Variants in FMN1 observed in about 807,000 individuals in gnomAD.
FMN1 encodes the protein formin 1.
In FMN1, 110 loss-of-function variants were observed where a neutral mutation model predicts 132.4. The observed-to-expected ratio is 0.83, with a 90% CI of 0.71 to 0.97. The LOEUF (loss-of-function observed/expected upper bound fraction) is 0.97, where lower values mean the gene tolerates loss of function less well. Ranked by LOEUF, FMN1 falls within the 50% of genes least tolerant of loss-of-function variation. FMN1 has a pLI of 0.00. For missense variants in FMN1, 1,792 were observed against 1,705.3 expected (o/e 1.05, Z -0.90); for synonymous variants, 722 against 651.7 (o/e 1.11, Z -1.64).
intron 16 of FMN1, among the ~76,000 whole-genome samples, chr15:32,870,975 G>A (rs1225841388): frequency 6.6e-6 from 1 of 152,090 alleles, no homozygotes; most frequent in Non-Finnish European, 1.5e-5. Context: ...GGAGGTAGGG[G>A]ATTTCAAAAA....
intron 2 of FMN1, among the ~76,000 whole-genome samples, chr15:33,184,693 G>A (rs867064105): frequency 1.3e-5 from 2 of 152,082 alleles, no homozygotes; most frequent in Middle Eastern, 3.4e-3. Flanking sequence ...TAGTAGAGAT[G>A]GGTTTACGCC....
chr15:33,057,425 AAGTC>A (rs1305967092), intron 6 of FMN1, among the ~76,000 whole-genome samples: 5 of 152,170 alleles, frequency 3.3e-5, no homozygotes, highest in Non-Finnish European at 7.3e-5. Context: ...TAAAAAAAGA[AAGTC>A]AGTGGTGCTG....
intron 5 of FMN1, among the ~76,000 whole-genome samples, chr15:33,078,332 A>G (rs751690221): frequency 1.3e-5 from 2 of 152,124 alleles, no homozygotes; most frequent in African/African-American, 4.8e-5. Context: ...GGGAGGAACC[A>G]TTTTTCCATG....
chr15:32,996,885 G>C (rs1183053640), intron 7 of FMN1, among the ~76,000 whole-genome samples: 3 of 152,144 alleles, frequency 2.0e-5, no homozygotes, highest in Non-Finnish European at 4.4e-5. Flanking sequence ...CCATAGGCCT[G>C]TTAAGGAATC....
Position 32,978,728 on chromosome 15 carries a change from T to G in FMN1, c.2224-9251A>C, listed in dbSNP as rs138054832. Among the ~76,000 whole-genome samples the G allele has an allele frequency of 1.7e-4, 26 of 152,304 alleles. No homozygotes were observed. The East Asian group carries it at 4.4e-3, about 26-fold the overall frequency. Reference sequence around the variant, plus strand: ...CTCCAATTAATTAATCATTTTAATATTTCCCTCTAGATGCCTCACACACTT... The same window carrying G: ...CTCCAATTAATTAATCATTTTAATAGTTCCCTCTAGATGCCTCACACACTT... On this transcript the variant is annotated intron_variant, in intron 7 of 20. Coordinates refer to ENST00000616417, the MANE Select transcript of FMN1 (RefSeq NM_001277313.2).
intron 17 of FMN1, among the ~76,000 whole-genome samples, chr15:32,821,717 T>C (rs1199613092): frequency 6.6e-6 from 1 of 152,112 alleles, no homozygotes; most frequent in Non-Finnish European, 1.5e-5. Flanking sequence ...CCCAAAGTGC[T>C]GGGATTACAG....
chr15:33,067,155 G>A, intron 5 of FMN1: 1 of 1,613,948 alleles, frequency 6.2e-7, no homozygotes, highest in African/African-American at 1.3e-5. Context: ...GTTACTGCAG[G>A]TAGGTCTTGG....
intron 16 of FMN1, among the ~76,000 whole-genome samples, chr15:32,871,034 C>T (rs527782649): frequency 6.6e-6 from 1 of 152,248 alleles, no homozygotes; most frequent in South Asian, 2.1e-4. Flanking sequence ...GCACATACTG[C>T]AAGCTCTGGC....
intron 10 of FMN1, among the ~76,000 whole-genome samples, chr15:32,917,152 G>C (rs1049522121): frequency 6.6e-6 from 1 of 152,136 alleles, no homozygotes; most frequent in Non-Finnish European, 1.5e-5. Context: ...TGGAAAGAAG[G>C]GGAGCCAGTA....
intron 4 of FMN1, among the ~76,000 whole-genome samples, chr15:33,128,774 A>G (rs914461824): frequency 5.3e-5 from 8 of 152,222 alleles, no homozygotes; most frequent in Non-Finnish European, 7.3e-5. Flanking sequence ...AGTGGTATGG[A>G]CCCAAACGGT....
chr15:32,973,909 T>A (rs2031994311), intron 7 of FMN1, among the ~76,000 whole-genome samples: 1 of 152,174 alleles, frequency 6.6e-6, no homozygotes, highest in Non-Finnish European at 1.5e-5. Context: ...TCCCCCTCCT[T>A]TATCCAGATA....
Position 32,901,765 on chromosome 15 carries a change from G to A in FMN1, c.3507+146C>T, listed in dbSNP as rs76725389. The A allele has an allele frequency of 5.7e-4, 321 of 558,916 alleles. 1 individual carries two copies. The highest frequency in any genetic ancestry group is 5.7e-3 in the African/African-American group (292 of 51,624). 34.6% of individuals were successfully genotyped at this position (558,916 alleles called of 1,614,324 possible). On this transcript the variant is annotated intron_variant, in intron 13 of 20. Transcript: ENST00000616417. ...CCCTCTCTCTCATACACACACACACGGGCAAGATAATCATCAAATTTACAC... is the reference window on the plus strand; with the variant it reads ...CCCTCTCTCTCATACACACACACACAGGCAAGATAATCATCAAATTTACAC...
At chr15:33,193,604 C>T (rs1566975080) in intron 2 of FMN1, among the ~76,000 whole-genome samples, 1 of 152,162 alleles carries the variant, frequency 6.6e-6, no homozygotes, top group Non-Finnish European at 1.5e-5. Flanking sequence ...ATTCACCTCT[C>T]AGTGACTGCC....
At chr15:32,864,601 C>G (rs1401454759) in intron 16 of FMN1, among the ~76,000 whole-genome samples, 1 of 152,126 alleles carries the variant, frequency 6.6e-6, no homozygotes, top group Non-Finnish European at 1.5e-5. Context: ...TTAAAGTGGT[C>G]AAAAAACTCC....
At chr15:32,856,329 G>A (rs964271176) in intron 17 of FMN1, among the ~76,000 whole-genome samples, 3 of 152,128 alleles carry the variant, frequency 2.0e-5, no homozygotes, top group South Asian at 2.1e-4. Context: ...TTAAATTTGA[G>A]AAATTAGAAT....
At position 32,987,071 on chromosome 15, in the gene FMN1, G is replaced by C. The variant is rs137864328; in HGVS notation, c.2224-17594C>G. Among the ~76,000 whole-genome samples, 195 of 151,980 alleles carry C rather than the reference G, an allele frequency of 1.3e-3. 3 individuals are homozygous for C. In the East Asian group the frequency reaches 0.027, roughly 21 times the overall value. On this transcript the variant is annotated intron_variant, in intron 7 of 20. Coordinates refer to ENST00000616417, the MANE Select transcript of FMN1 (RefSeq NM_001277313.2). ...TAGATGGCTACATTTTTTTCTCCCA[G>C]GCAATTTTTCTATTTTAAATGTTAT...
At chr15:33,165,822 G>A (rs1965084411) in intron 3 of FMN1, among the ~76,000 whole-genome samples, 1 of 152,140 alleles carries the variant, frequency 6.6e-6, no homozygotes, top group African/African-American at 2.4e-5. Flanking sequence ...AGCTCTCAAG[G>A]AGGAAGGTGG....
At chr15:33,082,322 C>T (rs1410540359) in intron 5 of FMN1, among the ~76,000 whole-genome samples, 1 of 152,104 alleles carries the variant, frequency 6.6e-6, no homozygotes, top group African/African-American at 2.4e-5. Flanking sequence ...ATCCACCTGC[C>T]TCGGCCTCCC....
chr15:32,846,859 C>A (rs1004765579), intron 17 of FMN1, among the ~76,000 whole-genome samples: 13 of 152,162 alleles, frequency 8.5e-5, no homozygotes, highest in African/African-American at 3.1e-4. Flanking sequence ...TACATATATA[C>A]CATGGAATAC....
Sources: gnomAD v4.1 joint callset for allele counts (sites outside exome capture counted in the v4.1 genomes callset) on GRCh38, gnomAD v4.1.1 for gene constraint, MANE v1.5 for transcripts, NCBI Gene and HGNC (gene_info 2026-07-23, HGNC 2026-07-21) for gene names.